CLPTM1L: variants seen among roughly 807,000 people sequenced by gnomAD.
CLPTM1L encodes the protein CLPTM1 like.
A neutral mutation model predicts 70.9 loss-of-function variants in CLPTM1L; 38 were observed. The ratio of observed to expected loss-of-function variants is 0.54; its 90% CI spans 0.41 to 0.70. The LOEUF (loss-of-function observed/expected upper bound fraction) is 0.70, where lower values mean the gene tolerates loss of function less well. CLPTM1L is among the 30% of genes least tolerant of loss of function. The probability of loss-of-function intolerance (pLI) is 0.00; values close to 1 mark genes in which losing one functional copy is unlikely to be tolerated. For synonymous variants in CLPTM1L, 339 were observed against 299.9 expected (o/e 1.13, Z -1.35); for missense variants, 652 against 705.9 (o/e 0.92, Z 0.87).
chr5:1,330,684 G>A (rs180714230), intron 8 of CLPTM1L: 2 of 408,110 alleles, frequency 4.9e-6, no homozygotes, highest in Admixed American at 4.0e-5. Context: ...GGCCAGCACA[G>A]CTTTGCTTCC....
rs774440784 is a variant in CLPTM1L, at chr5:1,338,848, G to A, written c.599+12C>T. 1.2e-6 allele frequency: 2 copies of A among 1,612,800 alleles called. No homozygotes were observed. The highest frequency in any genetic ancestry group is 1.3e-5 in the African/African-American group (1 of 74,942). The stretch of plus-strand genomic sequence containing the variant: ...CCTCCCCCCGGCGCTCCAGCTCTGG[G>A]GCCCCACTTACATCTTCATGTACCG... On this transcript the variant is annotated intron_variant, in intron 4 of 16. Transcript: ENST00000320895.
At position 1,317,944 on chromosome 5, in the gene CLPTM1L, G is replaced by T. The variant is rs1337541853; in HGVS notation, c.*425C>A. 1 of 169,480 alleles carries T rather than the reference G, an allele frequency of 5.9e-6. No homozygotes were observed. Among genetic ancestry groups the T allele is most frequent in the Non-Finnish European group, 1.2e-5 (1 of 80,070 alleles). The allele number at this position is 169,480 out of a possible 1,614,324, so 10.5% of individuals were successfully genotyped here. A position where few individuals can be genotyped will look rare whatever the true frequency, so the allele number is the denominator to read the frequency against. ...AACAACCAACTCTCAAACAAAAGAG[G>T]AAAGAGCCTTTGATCCCAGAGTCCA... On this transcript the variant is annotated 3_prime_UTR_variant, in exon 17 of 17. Coordinates refer to ENST00000320895, the MANE Select transcript of CLPTM1L (RefSeq NM_030782.5).
chr5:1,334,678 C>T (rs1321941766), intron 6 of CLPTM1L, among the ~76,000 whole-genome samples: 5 of 151,966 alleles, frequency 3.3e-5, no homozygotes, highest in East Asian at 1.9e-4. Context: ...CGCTTGAATC[C>T]GGGGGGCGGA....
At chr5:1,344,306 G>A in intron 2 of CLPTM1L, 45 bp downstream of exon 2, 2 of 1,246,880 alleles carry the variant, frequency 1.6e-6, no homozygotes, top group Non-Finnish European at 2.4e-6. Flanking sequence ...ATCTGAACAT[G>A]AGTAATGTTT....
chr5:1,325,682 CT>C, intron 10 of CLPTM1L, 68 bp downstream of exon 10: 2 of 1,376,580 alleles, frequency 1.5e-6, no homozygotes, highest in Non-Finnish European at 2.1e-6. Flanking sequence ...CCATCTTACT[CT>C]TTGCACAGGG....
chr5:1,327,368 GC>G (rs1752670418), intron 9 of CLPTM1L, among the ~76,000 whole-genome samples: 1 of 88,760 alleles, frequency 1.1e-5, no homozygotes. Flanking sequence ...TCCTCTACAG[GC>G]ACATTCCATC....
intron 9 of CLPTM1L, chr5:1,326,313 C>T: frequency 3.8e-6 from 1 of 259,830 alleles, no homozygotes. Context: ...CCAGCTCCTC[C>T]TCTACAGGGA....
At chr5:1,328,937 G>GACATTCCATCCAGCTCCTCCTCTGCAGAC (rs1752870213) in intron 9 of CLPTM1L, among the ~76,000 whole-genome samples, 8 of 109,312 alleles carry the variant, frequency 7.3e-5, no homozygotes, top group Non-Finnish European at 1.3e-4. Context: ...CCTCTACAGG[G>GACATTCCATCCAGCTCCTCCTCTGCAGAC]ACATTCCATC....
At chr5:1,324,896 T>A (rs543533446) in intron 10 of CLPTM1L, 83 bp from the exon 11 acceptor site, 1 of 1,306,734 alleles carries the variant, frequency 7.7e-7, no homozygotes, top group African/African-American at 1.5e-5. Flanking sequence ...GGGCGTCACA[T>A]ATGGCTGCAG....
At position 1,322,928 on chromosome 5, in the gene CLPTM1L, A is replaced by T; in HGVS notation, c.1281-17T>A. The stretch of plus-strand genomic sequence containing the variant: ...GAGTACCAGCTGAAACGGAAAAAAA[A>T]GGAGAAGTCCTATTTCTCGCATAGC... On this transcript the variant is annotated splice_polypyrimidine_tract_variant and intron_variant, in intron 12 of 16. Transcript: ENST00000320895. 2 of 1,612,342 alleles carry T rather than the reference A, an allele frequency of 1.2e-6. No homozygotes were observed. Among genetic ancestry groups the T allele is most frequent in the South Asian group, 1.1e-5 (1 of 91,020 alleles).
rs751677876 is a variant in CLPTM1L, at chr5:1,341,815, C to T, written c.309G>A (p.Thr103=). ...SVPKKTRNNG[T]LYAYIFLHHA... ...GATGGAGGAAGATGTAGGCATACAG[C>T]GTCCCATTGTTTCTCGTTTTCTTTG... The change falls in exon 3 of 17, where the codon ACG becomes ACA. Residue 103 remains threonine (T), a synonymous_variant. Transcript: ENST00000320895. 6.2e-6 allele frequency: 10 copies of T among 1,613,880 alleles called. No homozygotes were observed. The highest frequency in any genetic ancestry group is 1.6e-4 in the Middle Eastern group (1 of 6,084).
chr5:1,341,905 G>A, intron 2 of CLPTM1L, 45 bp from the exon 3 acceptor site: 1 of 1,485,088 alleles, frequency 6.7e-7, no homozygotes, highest in East Asian at 2.3e-5. Context: ...TTATATTCTG[G>A]GTCTCTAGAA....
intron 15 of CLPTM1L, 47 bp downstream of exon 15, chr5:1,321,588 A>T (rs756667595): frequency 1.3e-6 from 2 of 1,572,950 alleles, no homozygotes. Context: ...GCCCTTGCTC[A>T]CGCTCTGCTC....
chr5:1,322,381 C>G (rs796345719), intron 13 of CLPTM1L, among the ~76,000 whole-genome samples: 1 of 152,220 alleles, frequency 6.6e-6, no homozygotes, highest in Non-Finnish European at 1.5e-5. Context: ...GCCCCGAGCA[C>G]AGGGCCCTGC....
At chr5:1,337,084 G>T (rs903924787) in intron 5 of CLPTM1L, among the ~76,000 whole-genome samples, 5 of 152,202 alleles carry the variant, frequency 3.3e-5, no homozygotes, top group Admixed American at 3.3e-4. Context: ...GATCCGGAGT[G>T]ACAGTGATGG....
At chr5:1,321,234 G>C (rs1014204989) in intron 15 of CLPTM1L, among the ~76,000 whole-genome samples, 4 of 152,250 alleles carry the variant, frequency 2.6e-5, no homozygotes, top group African/African-American at 9.6e-5. Context: ...ACGGAGCCAA[G>C]GGGGCCTCCA....
intron 9 of CLPTM1L, among the ~76,000 whole-genome samples, chr5:1,329,058 G>C (rs909577042): frequency 2.0e-5 from 3 of 152,228 alleles, no homozygotes; most frequent in African/African-American, 4.8e-5. Context: ...CCACAGGTGG[G>C]CCACCAACTG....
At chr5:1,323,667 C>G in intron 12 of CLPTM1L, 120 bp downstream of exon 12, 1 of 737,236 alleles carries the variant, frequency 1.4e-6, no homozygotes, top group Non-Finnish European at 2.3e-6. Flanking sequence ...CCCTCCCAGG[C>G]GCTGGCCCAA....
chr5:1,344,753 A>G lies in CLPTM1L; in HGVS notation c.89T>C (p.Ile30Thr). The G allele has an allele frequency of 1.2e-6, 2 of 1,603,934 alleles. No individual in the cohort carries two copies. Among genetic ancestry groups the G allele is most frequent in the South Asian group, 1.1e-5 (1 of 89,394 alleles). ...VVHTCWVMYG[I>T]VYTRPCSGDA... ...GCCGGAGCACGGGCGGGTGTAGACG[A>G]TGCCGTACATGACCCAGCAGGTGTG... The change falls in exon 1 of 17, where the codon ATC becomes ACC. Residue 30 changes from isoleucine (I) to threonine (T), a missense_variant. This residue lies in a region of CLPTM1L where 402 missense variants were observed against 388.2 expected (regional missense o/e 1.04). Coordinates refer to ENST00000320895, the MANE Select transcript of CLPTM1L (RefSeq NM_030782.5).
Sources: allele counts gnomAD v4.1 joint callset (sites outside exome capture counted in the v4.1 genomes callset), GRCh38; gene constraint gnomAD v4.1.1; regional missense constraint gnomAD v4.1.1; transcripts MANE v1.5; gene names NCBI Gene and HGNC (gene_info 2026-07-23, HGNC 2026-07-21).